Variants in CDH13 observed in about 807,000 individuals in gnomAD.
CDH13 encodes the protein cadherin-13.
Under a neutral mutation model 63.8 loss-of-function variants are expected in CDH13, and 24 were observed. The ratio of observed to expected loss-of-function variants is 0.38; its 90% CI spans 0.27 to 0.53. The LOEUF (loss-of-function observed/expected upper bound fraction) is 0.53. Ranked by LOEUF, CDH13 falls within the 20% of genes least tolerant of loss-of-function variation. The probability of loss-of-function intolerance (pLI) is 0.85; values close to 1 mark genes in which losing one functional copy is unlikely to be tolerated. For synonymous variants in CDH13, 503 were observed against 355.3 expected (o/e 1.42, Z -4.67); for missense variants, 1,049 against 903.1 (o/e 1.16, Z -2.07).
At chr16:82,986,086 G>A (rs1262331231) in intron 2 of CDH13, among the ~76,000 whole-genome samples, 1 of 152,196 alleles carries the variant, frequency 6.6e-6, no homozygotes, top group Non-Finnish European at 1.5e-5. Context: ...AGTGACGTAA[G>A]AATGGACTAA....
chr16:83,500,764 G>C (rs1277093922), intron 7 of CDH13, among the ~76,000 whole-genome samples: 1 of 150,986 alleles, frequency 6.6e-6, no homozygotes, highest in Non-Finnish European at 1.5e-5. Context: ...TATTTTTGTG[G>C]AGACGGGGTT....
chr16:83,359,046 T>C (rs2091109824), intron 6 of CDH13, among the ~76,000 whole-genome samples: 1 of 152,104 alleles, frequency 6.6e-6, no homozygotes. Flanking sequence ...AGGAAAACTT[T>C]AAAGGGCTCT....
At chr16:83,159,631 A>G (rs138690864) in intron 4 of CDH13, among the ~76,000 whole-genome samples, 15 of 152,336 alleles carry the variant, frequency 9.8e-5, no homozygotes, top group African/African-American at 3.4e-4. Context: ...CGATATTTCC[A>G]TTGTTGGGTC....
At chr16:83,468,189 G>C (rs183203025) in intron 6 of CDH13, among the ~76,000 whole-genome samples, 4 of 152,190 alleles carry the variant, frequency 2.6e-5, no homozygotes, top group Non-Finnish European at 5.9e-5. Context: ...ATTTATTGAA[G>C]GGTCTGGGGA....
intron 6 of CDH13, among the ~76,000 whole-genome samples, chr16:83,474,597 T>G (rs1275049882): frequency 6.6e-6 from 1 of 151,548 alleles, no homozygotes; most frequent in Non-Finnish European, 1.5e-5. Flanking sequence ...AACAAGAGGG[T>G]GGGGGAAATT....
chr16:82,771,941 C>T (rs577625112), intron 1 of CDH13, among the ~76,000 whole-genome samples: 5 of 152,298 alleles, frequency 3.3e-5, no homozygotes, highest in African/African-American at 1.2e-4. Flanking sequence ...ACTCTTGACC[C>T]ACAAGTCCTT....
chr16:83,532,907 C>G (rs1173680007), intron 7 of CDH13, among the ~76,000 whole-genome samples: 1 of 152,238 alleles, frequency 6.6e-6, no homozygotes, highest in Non-Finnish European at 1.5e-5. Context: ...GCGGCCTCCC[C>G]TGCATCTGAG....
chr16:83,092,127 T>C (rs1030563317), intron 3 of CDH13, among the ~76,000 whole-genome samples: 27 of 152,256 alleles, frequency 1.8e-4, no homozygotes, highest in African/African-American at 6.5e-4. Flanking sequence ...TTTCTCATTA[T>C]GGACTGTCAA....
chr16:83,413,987 C>T (rs1203482775), intron 6 of CDH13, among the ~76,000 whole-genome samples: 1 of 143,916 alleles, frequency 6.9e-6, no homozygotes, highest in Admixed American at 6.7e-5. Flanking sequence ...GAGCGAGACT[C>T]CATCTCAAAA....
At chr16:83,415,079 G>T (rs1295150084) in intron 6 of CDH13, among the ~76,000 whole-genome samples, 1 of 151,158 alleles carries the variant, frequency 6.6e-6, no homozygotes, top group Non-Finnish European at 1.5e-5. Context: ...ATGAAAGAGG[G>T]AACATTACCA....
chr16:83,176,628 C>T (rs1023510032), intron 4 of CDH13, among the ~76,000 whole-genome samples: 1 of 151,722 alleles, frequency 6.6e-6, no homozygotes, highest in Non-Finnish European at 1.5e-5. Context: ...TTCCACTGAG[C>T]ATCCTCAACT....
At chr16:82,647,917 G>T (rs1324995885) in intron 1 of CDH13, among the ~76,000 whole-genome samples, 2 of 152,144 alleles carry the variant, frequency 1.3e-5, no homozygotes, top group Non-Finnish European at 2.9e-5. Context: ...GACCCTGTCG[G>T]GGGTAACTGA....
At chr16:83,623,279 G>A (rs1019761090) in intron 8 of CDH13, among the ~76,000 whole-genome samples, 1 of 152,084 alleles carries the variant, frequency 6.6e-6, no homozygotes, top group Non-Finnish European at 1.5e-5. Flanking sequence ...CATTTCCCTC[G>A]AGTTCCCCCA....
intron 2 of CDH13, among the ~76,000 whole-genome samples, chr16:82,909,533 A>G (rs574005218): frequency 2.2e-4 from 33 of 148,996 alleles, no homozygotes; most frequent in African/African-American, 7.8e-4. Context: ...AATAGTTTTA[A>G]CTGACTAACA....
intron 4 of CDH13, among the ~76,000 whole-genome samples, chr16:83,212,923 C>G (rs1422447009): frequency 6.6e-6 from 1 of 152,172 alleles, no homozygotes; most frequent in African/African-American, 2.4e-5. Flanking sequence ...AAGCAAGGCC[C>G]CTACTGGAAG....
intron 10 of CDH13, among the ~76,000 whole-genome samples, chr16:83,700,431 A>G (rs1906045310): frequency 6.6e-6 from 1 of 152,230 alleles, no homozygotes; most frequent in South Asian, 2.1e-4. Flanking sequence ...CCGATTAAAA[A>G]TAGCTATTTT....
chr16:83,390,819 C>T (rs1161080927), intron 6 of CDH13, among the ~76,000 whole-genome samples: 5 of 152,100 alleles, frequency 3.3e-5, no homozygotes, highest in Non-Finnish European at 7.4e-5. Context: ...GTAGCTGAAG[C>T]AGGAGAAGGA....
chr16:82,869,111 A>T (rs1400731468), intron 2 of CDH13, among the ~76,000 whole-genome samples: 2 of 152,144 alleles, frequency 1.3e-5, no homozygotes, highest in Non-Finnish European at 2.9e-5. Flanking sequence ...CAGTGGCGCA[A>T]TCTCAACTCA....
At chr16:82,636,837 A>G (rs946556776) in intron 1 of CDH13, among the ~76,000 whole-genome samples, 3 of 152,186 alleles carry the variant, frequency 2.0e-5, no homozygotes, top group Admixed American at 1.3e-4. Flanking sequence ...GTCATGGGCA[A>G]TTTGAATCTG....
Sources: allele counts gnomAD v4.1 joint callset (sites outside exome capture counted in the v4.1 genomes callset), GRCh38; gene constraint gnomAD v4.1.1; transcripts MANE v1.5; gene names NCBI Gene and HGNC (gene_info 2026-07-23, HGNC 2026-07-21).